HDX: variants seen among roughly 807,000 people sequenced by gnomAD.
The protein encoded by HDX is chromosome X open reading frame 43.
In HDX, 19 loss-of-function variants were observed where a neutral mutation model predicts 45.2. The ratio of observed to expected loss-of-function variants is 0.42; its 90% CI spans 0.29 to 0.62. HDX has a LOEUF of 0.62. HDX is among the 20% of genes least tolerant of loss of function. The probability of loss-of-function intolerance (pLI) is 0.20; values close to 1 mark genes in which losing one functional copy is unlikely to be tolerated. For missense variants in HDX, 532 were observed against 493.9 expected, an observed-to-expected ratio of 1.08 and a Z score of -0.73; for synonymous variants, 188 against 172.8, an observed-to-expected ratio of 1.09 and a Z score of -0.69.
intron 1 of HDX, among the ~76,000 whole-genome samples, chrX:84,492,665 C>G (rs1003361150): frequency 4.5e-5 from 5 of 111,640 alleles, no homozygotes; most frequent in Non-Finnish European, 7.5e-5. Context: ...CTGCGAATAA[C>G]TCTTTTAAAG....
intron 5 of HDX, among the ~76,000 whole-genome samples, chrX:84,387,852 G>T (rs1157353494): frequency 1.8e-5 from 2 of 111,623 alleles, no homozygotes; most frequent in African/African-American, 6.5e-5. Context: ...TTTTGATTTT[G>T]TGATGGTTGT....
Position 84,336,678 on chromosome X carries a change from G to A in HDX, c.1740+123C>T, listed in dbSNP as rs1356721244. The A allele has an allele frequency of 2.6e-5, 12 of 470,368 alleles. No individual in the cohort carries two copies. In the South Asian group the frequency reaches 3.8e-4, roughly 15 times the overall value. 38.8% of individuals were successfully genotyped at this position (470,368 alleles called of 1,213,427 possible). A position where few individuals can be genotyped will look rare whatever the true frequency, so the allele number is the denominator to read the frequency against. On this transcript the variant is annotated intron_variant, in intron 8 of 10. Transcript: ENST00000373177. ...AAGATATGTAATTTCATTGGAAAGA[G>A]GTCTGTTTTGGTTTGTGAAGTGGAG...
At chrX:84,438,030 A>G (rs1358713543) in intron 5 of HDX, among the ~76,000 whole-genome samples, 2 of 110,785 alleles carry the variant, frequency 1.8e-5, no homozygotes, top group African/African-American at 6.6e-5. Context: ...TGTTCTTGAA[A>G]TTCCTGCTCC....
chrX:84,448,877 G>A (rs1243390100), intron 4 of HDX, among the ~76,000 whole-genome samples: 2 of 108,818 alleles, frequency 1.8e-5, no homozygotes, highest in African/African-American at 3.3e-5. Context: ...AGATAATTCA[G>A]AAAAATAATA....
intron 5 of HDX, among the ~76,000 whole-genome samples, chrX:84,420,190 C>T (rs1360745678): frequency 2.7e-5 from 3 of 111,579 alleles, no homozygotes; most frequent in South Asian, 3.7e-4. Context: ...CAGAGATATG[C>T]GAATTTTTAG....
intron 5 of HDX, among the ~76,000 whole-genome samples, chrX:84,394,378 AC>A (rs772424260): frequency 1.8e-5 from 2 of 112,078 alleles, no homozygotes; most frequent in Non-Finnish European, 1.9e-5. Flanking sequence ...TACGACTTTG[AC>A]TTTTAAAAAT....
chrX:84,348,455 A>T (rs989316296), intron 6 of HDX, among the ~76,000 whole-genome samples: 17 of 111,860 alleles, frequency 1.5e-4, no homozygotes, highest in Non-Finnish European at 2.8e-4. Flanking sequence ...CATCCCTGTC[A>T]TGTATGAATG....
At chrX:84,484,246 CT>C (rs2040745356) in intron 2 of HDX, among the ~76,000 whole-genome samples, 1 of 111,872 alleles carries the variant, frequency 8.9e-6, no homozygotes. Context: ...CTGTATTAGT[CT>C]GTTCTCACGC....
chrX:84,319,386 A>G lies in HDX; in HGVS notation c.*2503T>C, dbSNP rs1475911038. 9.0e-6 allele frequency: 1 copy of G among 111,403 alleles called. No homozygotes were observed. Among genetic ancestry groups the G allele is most frequent in the Non-Finnish European group, 1.9e-5 (1 of 52,587 alleles). The allele number at this position is 111,403 out of a possible 1,213,427, so 9.2% of individuals were successfully genotyped here. A position where few individuals can be genotyped will look rare whatever the true frequency, so the allele number is the denominator to read the frequency against. On this transcript the variant is annotated 3_prime_UTR_variant, in exon 11 of 11. Coordinates refer to ENST00000373177, the MANE Select transcript of HDX (RefSeq NM_001177479.2). ...TAAAAAATATACTTTCTTCATAACA[A>G]CTTTTCAAAGCTTGACCTTGACATC...
rs181752149 is a variant in HDX, at chrX:84,424,744, A to T, written c.1305+15788T>A. 8.1e-5 allele frequency among the ~76,000 whole-genome samples: 9 copies of T among 111,487 alleles called. No homozygotes were observed. In the East Asian group the frequency reaches 2.3e-3, roughly 28 times the overall value. ...TATCTTCAATACATGGTGCTGGGAA[A>T]ACCGGATATGCATATGCAGAAGAAT... On this transcript the variant is annotated intron_variant, in intron 5 of 10. Transcript: ENST00000373177.
Position 84,479,604 on chromosome X carries a change from A to C in HDX, c.1-4207T>G, listed in dbSNP as rs2040631459. The stretch of plus-strand genomic sequence containing the variant: ...AATTTCTGGGTCGTATGGTAAGTGT[A>C]TGTTTAATTTAATAAGTTGTTAACC... On this transcript the variant is annotated intron_variant, in intron 2 of 10. Transcript: ENST00000373177. 2.7e-5 allele frequency among the ~76,000 whole-genome samples: 3 copies of C among 111,806 alleles called. No individual in the cohort carries two copies. The Admixed American group carries it at 2.8e-4, about 11-fold the overall frequency.
At chrX:84,385,837 GTTTT>G (rs764533335) in intron 5 of HDX, among the ~76,000 whole-genome samples, 1 of 73,461 alleles carries the variant, frequency 1.4e-5, no homozygotes. Context: ...TACTTGAATG[GTTTT>G]TTTTTTTTTT....
chrX:84,324,210 T>A (rs930266016), intron 10 of HDX, among the ~76,000 whole-genome samples: 1 of 111,637 alleles, frequency 9.0e-6, no homozygotes, highest in African/African-American at 3.2e-5. Context: ...TCCAAAATAT[T>A]CTGTGGACCA....
chrX:84,460,018 A>G (rs769159869), intron 4 of HDX, among the ~76,000 whole-genome samples: 9 of 111,739 alleles, frequency 8.1e-5, no homozygotes, highest in Non-Finnish European at 1.7e-4. Context: ...CAGATCAATA[A>G]TAAGTAACAA....
In HDX at chrX:84,501,839, G is replaced by A. The variant is rs188271248; in HGVS notation, c.-110+503C>T. The stretch of plus-strand genomic sequence containing the variant: ...CAGCCCCACCTCTTCCAGTGAAACC[G>A]AAACAGCGCCTGTGCAAACTCCACG... On this transcript the variant is annotated intron_variant, in intron 1 of 10. Coordinates refer to ENST00000373177, the MANE Select transcript of HDX (RefSeq NM_001177479.2). Among the ~76,000 whole-genome samples the A allele has an allele frequency of 2.6e-3, 291 of 111,300 alleles. 1 individual carries two copies. The highest frequency in any genetic ancestry group is 9.3e-3 in the African/African-American group (283 of 30,523).
At chrX:84,464,744 C>G (rs149899405) in intron 4 of HDX, among the ~76,000 whole-genome samples, 2 of 111,778 alleles carry the variant, frequency 1.8e-5, no homozygotes, top group African/African-American at 6.5e-5. Flanking sequence ...CTAGGCAATA[C>G]CATTCAGGAC....
In HDX at chrX:84,373,468, T is replaced by G. The variant is rs187319108; in HGVS notation, c.1306-11856A>C. ...AGAGACACAACCAAAAAAGAGAATT[T>G]TAGACCAATATCCTTGATGAATATT... On this transcript the variant is annotated intron_variant, in intron 5 of 10. Transcript: ENST00000373177. 4.2e-3 allele frequency among the ~76,000 whole-genome samples: 467 copies of G among 110,981 alleles called. 3 individuals are homozygous for G. Among genetic ancestry groups the G allele is most frequent in the African/African-American group, 0.014 (436 of 30,504 alleles).
chrX:84,355,233 A>G (rs1386736722), intron 6 of HDX, among the ~76,000 whole-genome samples: 1 of 110,398 alleles, frequency 9.1e-6, no homozygotes, highest in Non-Finnish European at 1.9e-5. Context: ...ATCATAAAAT[A>G]TGTTGATTCT....
At chrX:84,390,273 A>T (rs1480928189) in intron 5 of HDX, among the ~76,000 whole-genome samples, 1 of 111,532 alleles carries the variant, frequency 9.0e-6, no homozygotes, top group Admixed American at 9.5e-5. Context: ...TTTAAAGTAT[A>T]CAGTTTTAAA....
Sources: gnomAD v4.1 joint callset for allele counts (sites outside exome capture counted in the v4.1 genomes callset) on GRCh38, gnomAD v4.1.1 for gene constraint, MANE v1.5 for transcripts, NCBI Gene and HGNC (gene_info 2026-07-23, HGNC 2026-07-21) for gene names.